The following OLFM1 variants were observed in gnomAD, a reference collection of about 807,000 sequenced individuals.
The protein encoded by OLFM1 is noelin.
In OLFM1, 9 loss-of-function variants were observed where a neutral mutation model predicts 49.7. That is an observed-to-expected ratio of 0.18 (90% CI 0.11 to 0.32). OLFM1 has a LOEUF of 0.32. Among genes scored for constraint, OLFM1 ranks in the 10% least tolerant of loss-of-function variants. The pLI is 1.00. For missense variants in OLFM1, 369 were observed against 661.8 expected (o/e 0.56, Z 4.85); for synonymous variants, 240 against 271.8 (o/e 0.88, Z 1.15).
intron 2 of OLFM1, among the ~76,000 whole-genome samples, chr9:135,091,975 T>C (rs1447986988): frequency 3.3e-5 from 5 of 152,184 alleles, no homozygotes; most frequent in Admixed American, 2.6e-4. Context: ...AGGTTGGCCT[T>C]GGACTTTCTG....
rs753128818 is a variant in OLFM1, at chr9:135,090,359, AGT to A, written c.300+21_300+22del. ...TACTGGAGAAGGTGAGTCTGCGCAGAGTGTGTGAGTTTGTATGTGTGTGTGTT... is the reference window on the plus strand; with the variant it reads ...TACTGGAGAAGGTGAGTCTGCGCAGAGTGTGAGTTTGTATGTGTGTGTGTT... On this transcript the variant is annotated intron_variant, in intron 2 of 5. Coordinates refer to ENST00000371793, the MANE Select transcript of OLFM1 (RefSeq NM_001282611.2). 62 of 1,596,670 alleles carry A rather than the reference AGT, an allele frequency of 3.9e-5. No homozygotes were observed. The South Asian group carries it at 6.7e-4, about 17-fold the overall frequency.
chr9:135,091,389 C>T (rs1830682971), intron 2 of OLFM1, among the ~76,000 whole-genome samples: 1 of 152,132 alleles, frequency 6.6e-6, no homozygotes, highest in Non-Finnish European at 1.5e-5. Context: ...ACTTTCCCAC[C>T]CTGAGGGAGT....
exon 1 of OLFM1, chr9:135,075,762 GCCT>G (rs1564263798): frequency 6.2e-7 from 1 of 1,607,376 alleles, no homozygotes; most frequent in South Asian, 1.1e-5. Flanking sequence ...AAGCTCCTCA[GCCT>G]CCTCTTCCTC....
At chr9:135,079,323 AAG>A (rs1427160096) in intron 1 of OLFM1, among the ~76,000 whole-genome samples, 2 of 152,148 alleles carry the variant, frequency 1.3e-5, no homozygotes, top group African/African-American at 4.8e-5. Context: ...GCCCGGGGGA[AAG>A]AAGAAGAGGA....
intron 5 of OLFM1, among the ~76,000 whole-genome samples, chr9:135,119,177 CGGGTCTTTGGAGTACTCACT>C (rs1290538667): frequency 4.1e-5 from 6 of 146,494 alleles, no homozygotes; most frequent in Non-Finnish European, 7.5e-5. Flanking sequence ...GAGTACTTAC[CGGGTCTTTGGAGTACTCACT>C]GGGTCTTTGG....
chr9:135,081,233 C>G (rs971065377), intron 1 of OLFM1, among the ~76,000 whole-genome samples: 3 of 152,186 alleles, frequency 2.0e-5, no homozygotes, highest in Non-Finnish European at 2.9e-5. Context: ...TGCTCTAGGT[C>G]TGTCTGACAT....
At chr9:135,116,219 G>A (rs930303299) in intron 5 of OLFM1, among the ~76,000 whole-genome samples, 2 of 152,194 alleles carry the variant, frequency 1.3e-5, no homozygotes, top group Admixed American at 1.3e-4. Flanking sequence ...GGCCTGTGGG[G>A]TTCTGAGTGC....
Position 135,087,731 on chromosome 9 carries a change from GGGCGCAGGGCGGGCGGCGCGA to G in OLFM1, c.-247_-227del, listed in dbSNP as rs1830618182. ...CGGAGGGACGCAGCCGGGCAAGGCA[GGGCGCAGGGCGGGCGGCGCGA>G]GGCGCAGGGCGCGGCGGGCAGAGGC... On this transcript the variant is annotated 5_prime_UTR_variant, in exon 1 of 6. Coordinates refer to ENST00000371793, the MANE Select transcript of OLFM1 (RefSeq NM_001282611.2). 7.6e-6 allele frequency: 3 copies of G among 394,238 alleles called. No individual in the cohort carries two copies. Among genetic ancestry groups the G allele is most frequent in the Admixed American group, 6.5e-5 (1 of 15,326 alleles). The allele number at this position is 394,238 out of a possible 1,614,324, so 24.4% of individuals were successfully genotyped here.
intron 5 of OLFM1, among the ~76,000 whole-genome samples, chr9:135,107,722 C>T (rs988922665): frequency 2.6e-5 from 4 of 152,218 alleles, no homozygotes; most frequent in Admixed American, 2.6e-4. Flanking sequence ...GTTTGCAGGA[C>T]ACTTAGAAAA....
chr9:135,101,391 G>A (rs188182794), intron 4 of OLFM1, among the ~76,000 whole-genome samples: 2 of 152,302 alleles, frequency 1.3e-5, no homozygotes, highest in East Asian at 3.9e-4. Context: ...AAGTCTTCCT[G>A]ATAGTTCTCT....
At chr9:135,118,204 C>T (rs1268176937) in intron 5 of OLFM1, among the ~76,000 whole-genome samples, 1 of 152,344 alleles carries the variant, frequency 6.6e-6, no homozygotes, top group South Asian at 2.1e-4. Context: ...GAAGTGCTCG[C>T]CGGGTCTTTG....
At chr9:135,108,083 G>A (rs1373235119) in intron 5 of OLFM1, among the ~76,000 whole-genome samples, 5 of 152,202 alleles carry the variant, frequency 3.3e-5, no homozygotes, top group African/African-American at 1.2e-4. Flanking sequence ...GGAAGGGCTG[G>A]CCAGACTGCA....
At chr9:135,111,786 T>G (rs996959767) in intron 5 of OLFM1, among the ~76,000 whole-genome samples, 2 of 152,188 alleles carry the variant, frequency 1.3e-5, no homozygotes, top group African/African-American at 4.8e-5. Context: ...CTCAGCTCAC[T>G]GCAACCTCCG....
At chr9:135,105,900 G>A (rs911295465) in intron 4 of OLFM1, 2 of 152,306 alleles carry the variant, frequency 1.3e-5, no homozygotes, top group Non-Finnish European at 2.9e-5. Context: ...GAAGAGCTGC[G>A]TGGCTGCGCA....
At chr9:135,112,211 G>A (rs1020862038) in intron 5 of OLFM1, among the ~76,000 whole-genome samples, 21 of 94,552 alleles carry the variant, frequency 2.2e-4, no homozygotes, top group East Asian at 1.0e-3. Context: ...GCCGCTGATC[G>A]CCAAAAGGGC....
intron 5 of OLFM1, among the ~76,000 whole-genome samples, chr9:135,116,075 C>T (rs1014832046): frequency 1.3e-5 from 2 of 152,180 alleles, no homozygotes; most frequent in African/African-American, 2.4e-5. Flanking sequence ...AGGAAGCTAG[C>T]AGGCATTGAT....
chr9:135,084,267 C>A (rs1013469246), upstream of OLFM1, among the ~76,000 whole-genome samples: 4 of 152,166 alleles, frequency 2.6e-5, no homozygotes, highest in African/African-American at 9.7e-5. The surrounding 1 kb of genome is among the most constrained non-coding windows in gnomAD (Gnocchi z 4.6). Context: ...CATGTGGGAC[C>A]TCTCTCTGTG....
chr9:135,101,847 G>A (rs542336020), intron 4 of OLFM1, among the ~76,000 whole-genome samples: 5 of 152,362 alleles, frequency 3.3e-5, no homozygotes, highest in Admixed American at 2.6e-4. Flanking sequence ...TCAGGCCTCC[G>A]TGGTCCTCTC....
chr9:135,118,062 C>T (rs1399931709), intron 5 of OLFM1, among the ~76,000 whole-genome samples: 2 of 152,230 alleles, frequency 1.3e-5, no homozygotes, highest in Non-Finnish European at 2.9e-5. Flanking sequence ...GAGGACATGG[C>T]ACCCTTTGGT....
Sources: allele counts gnomAD v4.1 joint callset (sites outside exome capture counted in the v4.1 genomes callset), GRCh38; gene constraint gnomAD v4.1.1; non-coding constraint Gnocchi (gnomAD v3.1); transcripts MANE v1.5; gene names NCBI Gene and HGNC (gene_info 2026-07-23, HGNC 2026-07-21).